Variants in RGS7 observed in about 807,000 individuals in gnomAD.
RGS7 encodes regulator of G-protein signaling 7.
In RGS7, 27 loss-of-function variants were observed where a neutral mutation model predicts 81.1. That is an observed-to-expected ratio of 0.33 (90% CI 0.25 to 0.46). RGS7 has a LOEUF of 0.46. Among genes scored for constraint, RGS7 ranks in the 20% least tolerant of loss-of-function variants. RGS7 has a pLI of 1.00. For missense variants in RGS7, 396 were observed against 607.4 expected (o/e 0.65, Z 3.66); for synonymous variants, 208 against 207.7 (o/e 1.00, Z -0.01).
intron 2 of RGS7, among the ~76,000 whole-genome samples, chr1:241,199,814 T>C (rs978778672): frequency 6.6e-6 from 1 of 152,306 alleles, no homozygotes; most frequent in East Asian, 1.9e-4. Context: ...AGGATATTGA[T>C]GAACCTCAGT....
At chr1:240,865,333 G>GTGTACACA in intron 9 of RGS7, among the ~76,000 whole-genome samples, 1 of 152,258 alleles carries the variant, frequency 6.6e-6, no homozygotes, top group African/African-American at 2.4e-5. Context: ...CAGTCTCTTA[G>GTGTACACA]ATATGGACAT....
chr1:241,295,750 A>T (rs1387080183), intron 2 of RGS7, among the ~76,000 whole-genome samples: 1 of 152,180 alleles, frequency 6.6e-6, no homozygotes, highest in Non-Finnish European at 1.5e-5. Context: ...TGGCATCTAA[A>T]ATTAAATGGA....
intron 4 of RGS7, among the ~76,000 whole-genome samples, chr1:240,938,821 C>CAT (rs948533663): frequency 0.03 from 4,433 of 146,472 alleles, 175 homozygotes; most frequent in African/African-American, 0.093. Context: ...CAATTTTGTG[C>CAT]GTGTGTGTGT....
At chr1:240,948,148 A>G (rs1452177254) in intron 4 of RGS7, among the ~76,000 whole-genome samples, 1 of 152,200 alleles carries the variant, frequency 6.6e-6, no homozygotes, top group Non-Finnish European at 1.5e-5. Context: ...TTTAGTACTC[A>G]TCACCACTTA....
At chr1:240,812,898 T>G (rs937436841) in intron 13 of RGS7, among the ~76,000 whole-genome samples, 2 of 152,242 alleles carry the variant, frequency 1.3e-5, no homozygotes, top group African/African-American at 4.8e-5. Flanking sequence ...TCCAGCTTTC[T>G]CATCTATAAA....
intron 6 of RGS7, among the ~76,000 whole-genome samples, chr1:240,888,698 T>C (rs1045377519): frequency 1.4e-4 from 22 of 151,978 alleles, no homozygotes; most frequent in Non-Finnish European, 1.8e-4. Flanking sequence ...TGAGAAGAGG[T>C]GCTATCAACT....
chr1:241,319,475 T>C (rs970946980), intron 2 of RGS7, among the ~76,000 whole-genome samples: 2 of 152,194 alleles, frequency 1.3e-5, no homozygotes, highest in Admixed American at 6.5e-5. Flanking sequence ...TTTCCAAGTT[T>C]ACATAATGAT....
At chr1:241,236,255 G>A (rs904137387) in intron 2 of RGS7, among the ~76,000 whole-genome samples, 1 of 150,972 alleles carries the variant, frequency 6.6e-6, no homozygotes, top group Non-Finnish European at 1.5e-5. Flanking sequence ...TTAGAGAAAT[G>A]AGAAACCACC....
chr1:241,291,589 C>CT lies in RGS7; in HGVS notation c.78+64109dup, dbSNP rs1237514486. 2.8e-3 allele frequency among the ~76,000 whole-genome samples: 113 copies of CT among 40,792 alleles called. 1 individual carries two copies. The highest frequency in any genetic ancestry group is 0.045 in the Middle Eastern group (2 of 44). 26.8% of individuals were successfully genotyped at this position (40,792 alleles called of 152,430 possible). A position where few individuals can be genotyped will look rare whatever the true frequency, so the allele number is the denominator to read the frequency against. ...TCCCAGCTTTTTTTTTTTTTTTTTG[C>CT]TTTTTTGAGATGGAGTTTTGCTCTT... On this transcript the variant is annotated intron_variant, in intron 2 of 18. Coordinates refer to ENST00000440928, the MANE Select transcript of RGS7 (RefSeq NM_001364886.1).
At chr1:240,930,407 T>C (rs1246988699) in intron 6 of RGS7, among the ~76,000 whole-genome samples, 1 of 152,032 alleles carries the variant, frequency 6.6e-6, no homozygotes, top group Non-Finnish European at 1.5e-5. Context: ...TATGGGTCTA[T>C]TTTTTATTCT....
At chr1:241,090,259 C>G (rs1224394305) in intron 3 of RGS7, among the ~76,000 whole-genome samples, 2 of 151,996 alleles carry the variant, frequency 1.3e-5, no homozygotes, top group African/African-American at 4.8e-5. Flanking sequence ...ATACATGGTC[C>G]AAGCTAAGCT....
chr1:240,860,326 G>A (rs148350865), intron 9 of RGS7, among the ~76,000 whole-genome samples: 381 of 152,130 alleles, frequency 2.5e-3, no homozygotes, highest in African/African-American at 8.3e-3. Flanking sequence ...ATAAAATAGC[G>A]TATTTATCCA....
intron 2 of RGS7, among the ~76,000 whole-genome samples, chr1:241,193,466 CA>C (rs1276929202): frequency 6.6e-6 from 1 of 152,182 alleles, no homozygotes; most frequent in Non-Finnish European, 1.5e-5. Flanking sequence ...ATGTGATTTC[CA>C]ACTACTGTGT....
At chr1:240,849,289 ATC>A (rs1659659376) in intron 9 of RGS7, among the ~76,000 whole-genome samples, 1 of 151,928 alleles carries the variant, frequency 6.6e-6, no homozygotes, top group African/African-American at 2.4e-5. Flanking sequence ...TTCCTCTGTG[ATC>A]TGTTATGTTA....
At chr1:241,267,154 C>T (rs536452342) in intron 2 of RGS7, among the ~76,000 whole-genome samples, 1 of 152,222 alleles carries the variant, frequency 6.6e-6, no homozygotes, top group South Asian at 2.1e-4. Flanking sequence ...CTCCGTCTCT[C>T]TCAGTTTCTC....
intron 6 of RGS7, among the ~76,000 whole-genome samples, chr1:240,894,769 T>C (rs996411919): frequency 2.0e-5 from 3 of 152,202 alleles, no homozygotes; most frequent in East Asian, 3.9e-4. Flanking sequence ...CTTTTCTTTA[T>C]GATACAGTGT....
At chr1:241,327,552 A>C (rs1227181350) in intron 2 of RGS7, among the ~76,000 whole-genome samples, 1 of 152,206 alleles carries the variant, frequency 6.6e-6, no homozygotes. Flanking sequence ...ATAATGACAG[A>C]AGTAGCAGCA....
intron 2 of RGS7, among the ~76,000 whole-genome samples, chr1:241,111,640 A>C (rs564792028): frequency 6.6e-6 from 1 of 152,176 alleles, no homozygotes; most frequent in African/African-American, 2.4e-5. Context: ...TGAAAAGACA[A>C]GTGTAAAAAC....
intron 3 of RGS7, among the ~76,000 whole-genome samples, chr1:241,047,998 C>T (rs2061033186): frequency 6.6e-6 from 1 of 152,032 alleles, no homozygotes. Flanking sequence ...CCCCAGCCTC[C>T]CAAAGTGCTG....
Sources: gnomAD v4.1 joint callset for allele counts (sites outside exome capture counted in the v4.1 genomes callset) on GRCh38, gnomAD v4.1.1 for gene constraint, MANE v1.5 for transcripts, NCBI Gene and HGNC (gene_info 2026-07-23, HGNC 2026-07-21) for gene names.